Variants in GABRD observed in about 807,000 individuals in gnomAD.
GABRD encodes gamma-aminobutyric acid type A receptor subunit delta, also known as gamma-aminobutyric acid receptor subunit delta.
In GABRD, 25 loss-of-function variants were observed where a neutral mutation model predicts 47.3. The ratio of observed to expected loss-of-function variants is 0.53; its 90% confidence interval spans 0.39 to 0.74. GABRD has a LOEUF of 0.74. Ranked by LOEUF, GABRD falls within the 30% of genes least tolerant of loss-of-function variation. The probability of loss-of-function intolerance (pLI) is 0.00; values close to 1 mark genes in which losing one functional copy is unlikely to be tolerated. For synonymous variants in GABRD, 314 were observed against 278.8 expected, an observed-to-expected ratio of 1.13 and a Z score of -1.26; for missense variants, 497 against 643.4, an observed-to-expected ratio of 0.77 and a Z score of 2.46.
At chr1:2,019,571 C>T in intron 1 of GABRD, 80 bp downstream of exon 1, 4 of 885,006 alleles carry the variant, frequency 4.5e-6, no homozygotes, top group Middle Eastern at 4.8e-4. Flanking sequence ...GCTGGGAGAG[C>T]GGCCGGCGCG....
At chr1:2,020,191 T>C (rs1658736683) in intron 1 of GABRD, among the ~76,000 whole-genome samples, 1 of 152,216 alleles carries the variant, frequency 6.6e-6, no homozygotes, top group Non-Finnish European at 1.5e-5. Context: ...GAGCCCCCTC[T>C]GGCCTACAGT....
rs28428940 is a variant in GABRD at position 2,021,814 on chromosome 1, G to A, written c.68+2323G>A. Among the ~76,000 whole-genome samples the A allele has an allele frequency of 6.1e-3, 926 of 152,310 alleles. 8 individuals are homozygous for A. The highest frequency in any genetic ancestry group is 0.02 in the African/African-American group (822 of 41,560). The stretch of plus-strand genomic sequence containing the variant: ...TGAGCTGCTCTAAAAGCAGGGCTGT[G>A]GGATATGTGGGCTGGGTGTGCGCCG... On this transcript the variant is annotated intron_variant, in intron 1 of 8. Coordinates refer to ENST00000378585, the MANE Select transcript of GABRD (RefSeq NM_000815.5).
At chr1:2,022,855 C>T (rs977473294) in intron 1 of GABRD, among the ~76,000 whole-genome samples, 4 of 152,190 alleles carry the variant, frequency 2.6e-5, no homozygotes, top group Non-Finnish European at 4.4e-5. Flanking sequence ...CCACCACAGT[C>T]GTCCAGGACA....
rs764309832 is a variant in GABRD, at chr1:2,030,111, G to A, written c.1188G>A (p.Val396=). Residue 396 remains valine (V), a synonymous_variant, in exon 9 of 9, where the codon GTG becomes GTA. Coordinates refer to ENST00000378585, the MANE Select transcript of GABRD (RefSeq NM_000815.5). ...TGGGCTCCTACAGGTCGGTGGGGGT[G>A]GAGACAGGGGAGACGAAGAAGGAGG... is the stretch of plus-strand genomic sequence containing the variant. ...NLMGSYRSVG[V]ETGETKKEGA... is the part of the protein sequence containing the mutation. 1.9e-6 allele frequency: 3 copies of A among 1,583,060 alleles called. No individual in the cohort carries two copies. Among genetic ancestry groups the A allele is most frequent in the Non-Finnish European group, 2.6e-6 (3 of 1,163,614 alleles).
intron 8 of GABRD, 90 bp from the exon 9 acceptor site, chr1:2,029,893 G>A (rs752178524): frequency 3.4e-5 from 53 of 1,559,930 alleles, no homozygotes; most frequent in African/African-American, 1.6e-4. Context: ...TGGTCCAGGC[G>A]GGGCCCCCGC....
rs568243066 is a variant in GABRD, at chr1:2,029,966, C to T, written c.1060-17C>T. ...CCCCAGTGCTCAGCCCTGTCTCCCC[C>T]ACCGGCCTTCGTGCAGATGGACGTG... On this transcript the variant is annotated splice_polypyrimidine_tract_variant and intron_variant, in intron 8 of 8. Coordinates refer to ENST00000378585, the MANE Select transcript of GABRD (RefSeq NM_000815.5). 2 of 1,611,554 alleles carry T rather than the reference C, an allele frequency of 1.2e-6. No individual in the cohort carries two copies. Among genetic ancestry groups the T allele is most frequent in the South Asian group, 2.2e-5 (2 of 90,888 alleles).
At chr1:2,027,405 G>A (rs954717883) in intron 4 of GABRD, 172 bp from the exon 5 acceptor site, 17 of 673,320 alleles carry the variant, frequency 2.5e-5, no homozygotes, top group Non-Finnish European at 4.1e-5. Flanking sequence ...AATACTTGAC[G>A]TCTATGAAGT....
At chr1:2,023,075 C>T (rs1364370588) in intron 1 of GABRD, among the ~76,000 whole-genome samples, 5 of 152,132 alleles carry the variant, frequency 3.3e-5, no homozygotes, top group Non-Finnish European at 5.9e-5. Flanking sequence ...GGAGCAGAGT[C>T]AAGGCTGGAT....
Position 2,019,483 on chromosome 1 carries a change from C to G in GABRD, c.60C>G (p.Arg20=), listed in dbSNP as rs1337443605. The change falls in exon 1 of 9, where the codon CGC becomes CGG. Residue 20 remains arginine, a synonymous_variant. Coordinates refer to ENST00000378585, the MANE Select transcript of GABRD (RefSeq NM_000815.5). ...PLLLLCAQQL[R]GTRAMNDIGD... ...TGCTCCTCTGCGCGCAGCAGCTCCG[C>G]GGCACCAGGTGAGCGGGCGGGGTCC... The G allele has an allele frequency of 1.8e-6, 2 of 1,089,862 alleles. No individual in the cohort carries two copies. Among genetic ancestry groups the G allele is most frequent in the Non-Finnish European group, 2.2e-6 (2 of 898,994 alleles). 67.5% of individuals were successfully genotyped at this position (1,089,862 alleles called of 1,614,324 possible).
At position 2,028,424 on chromosome 1, in the gene GABRD, G is replaced by A. The variant is rs916499170; in HGVS notation, c.691+132G>A. ...TGGTTTTCATGCTTTTTAGTCAAGC[G>A]CCCGCAGGCCCCCAGGGCCTCTGGG... is the stretch of plus-strand genomic sequence containing the variant. On this transcript the variant is annotated intron_variant, in intron 6 of 8. Coordinates refer to ENST00000378585, the MANE Select transcript of GABRD (RefSeq NM_000815.5). This position sits in a 1 kb window ranked among gnomAD's most constrained non-coding sequence, Gnocchi z 6.4. The A allele has an allele frequency of 6.5e-5, 60 of 923,680 alleles. No homozygotes were observed. Among genetic ancestry groups the A allele is most frequent in the South Asian group, 1.3e-4 (5 of 37,068 alleles). 57.2% of individuals were successfully genotyped at this position (923,680 alleles called of 1,614,324 possible). A position where few individuals can be genotyped will look rare whatever the true frequency, so the allele number is the denominator to read the frequency against.
Position 2,024,955 on chromosome 1 carries a change from A to G in GABRD, c.82A>G (p.Ile28Val), listed in dbSNP as rs1233160486. ...QLRGTRAMND[I>V]GDYVGSNLEI... ...TTGCATCCCCAGAGCGATGAATGAC[A>G]TCGGCGACTACGTGGGCTCCAACCT... Residue 28 changes from isoleucine (I) to valine (V), a missense_variant, in exon 2 of 9, where the codon ATC becomes GTC. Physicochemically the swap from Ile to Val is conservative, Grantham distance 29 (BLOSUM62 3). This residue lies in a region of GABRD where 91 missense variants were observed against 85.5 expected (regional missense o/e 1.06). Transcript: ENST00000378585. 1 of 1,612,354 alleles carries G rather than the reference A, an allele frequency of 6.2e-7. No homozygotes were observed. The highest frequency in any genetic ancestry group is 8.5e-7 in the Non-Finnish European group (1 of 1,179,408).
intron 1 of GABRD, among the ~76,000 whole-genome samples, chr1:2,022,786 G>A (rs1017547796): frequency 6.6e-6 from 1 of 152,256 alleles, no homozygotes; most frequent in Admixed American, 6.5e-5. Context: ...GCGGGGTCCT[G>A]GGTCTGGATG....
At chr1:2,021,486 G>A (rs550043278) in intron 1 of GABRD, among the ~76,000 whole-genome samples, 7 of 152,300 alleles carry the variant, frequency 4.6e-5, no homozygotes, top group African/African-American at 1.2e-4. Flanking sequence ...TGTATTGGAC[G>A]TCAGTGGGAC....
chr1:2,028,372 A>T lies in GABRD; in HGVS notation c.691+80A>T. 7.7e-7 allele frequency: 1 copy of T among 1,303,746 alleles called. No individual in the cohort carries two copies. The allele number at this position is 1,303,746 out of a possible 1,614,324, so 80.8% of individuals were successfully genotyped here. On this transcript the variant is annotated intron_variant, in intron 6 of 8. Transcript: ENST00000378585. The surrounding 1 kb of genome is among the most constrained non-coding windows in gnomAD (Gnocchi z 6.4). ...CCCACCGCCCCTTCCGCGCGCGCCCACCGCCCCTTCCGCGTGCGCCCGCCT... is the reference window on the plus strand; with the variant it reads ...CCCACCGCCCCTTCCGCGCGCGCCCTCCGCCCCTTCCGCGTGCGCCCGCCT...
rs536676941 is a variant in GABRD at position 2,022,993 on chromosome 1, C to A, written c.69-1949C>A. ...AAAGGGAGAGGGCCTCAGCCCCCGA[C>A]CCCGCTGCTGCTGCCTCCCAAACCC... On this transcript the variant is annotated intron_variant, in intron 1 of 8. Coordinates refer to ENST00000378585, the MANE Select transcript of GABRD (RefSeq NM_000815.5). Among the ~76,000 whole-genome samples the A allele has an allele frequency of 3.9e-5, 6 of 152,288 alleles. No homozygotes were observed. The East Asian group carries it at 1.2e-3, about 29-fold the overall frequency.
At chr1:2,025,104 A>C (rs1355489704) in intron 2 of GABRD, 50 bp downstream of exon 2, 11 of 1,502,688 alleles carry the variant, frequency 7.3e-6, no homozygotes, top group Non-Finnish European at 1.0e-5. Flanking sequence ...AGCCCAGGCT[A>C]GGCCGTGGCT....
In GABRD at chr1:2,027,574, C is replaced by T. The variant is rs767993168; in HGVS notation, c.471-3C>T. 25 of 1,612,724 alleles carry T rather than the reference C, an allele frequency of 1.6e-5. No homozygotes were observed. Among genetic ancestry groups the T allele is most frequent in the Non-Finnish European group, 2.1e-5 (25 of 1,179,440 alleles). ...GGCCTCACTGCCATGCTTGTCTTGG[C>T]AGAATCACCTCCACTGTGGCCTGCG... On this transcript the variant is annotated splice_region_variant and splice_polypyrimidine_tract_variant and intron_variant, in intron 4 of 8. Transcript: ENST00000378585.
intron 1 of GABRD, among the ~76,000 whole-genome samples, chr1:2,020,990 G>A (rs1224650075): frequency 6.6e-6 from 1 of 152,138 alleles, no homozygotes; most frequent in Admixed American, 6.5e-5. Flanking sequence ...CCTTAATCCT[G>A]GCCTGCATCT....
rs1354488034 is a variant in GABRD at position 2,030,500 on chromosome 1, G to A, written c.*218G>A. The A allele has an allele frequency of 6.8e-6, 3 of 438,268 alleles. No individual in the cohort carries two copies. Among genetic ancestry groups the A allele is most frequent in the Non-Finnish European group, 1.2e-5 (3 of 248,804 alleles). The allele number at this position is 438,268 out of a possible 1,614,324, so 27.1% of individuals were successfully genotyped here. On this transcript the variant is annotated 3_prime_UTR_variant, in exon 9 of 9. Transcript: ENST00000378585. ...TGGGGCTCTCCGGCAGGCAGCCCGA[G>A]ACCTGCACAGATGAAGGAGCAGAGG...
Sources: allele counts gnomAD v4.1 joint callset (sites outside exome capture counted in the v4.1 genomes callset), GRCh38; gene constraint gnomAD v4.1.1; regional missense constraint gnomAD v4.1.1; non-coding constraint Gnocchi (gnomAD v3.1); transcripts MANE v1.5; gene names NCBI Gene and HGNC (gene_info 2026-07-23, HGNC 2026-07-21).